Variants in HDAC9 observed in about 807,000 individuals in gnomAD.
The protein encoded by HDAC9 is MEF-2 interacting transcription repressor (MITR) protein.
A neutral mutation model predicts 139.4 loss-of-function variants in HDAC9; 41 were observed. That is an observed-to-expected ratio of 0.29 (90% CI 0.23 to 0.38). HDAC9 has a LOEUF of 0.38. HDAC9 is among the 10% of genes least tolerant of loss of function. HDAC9 has a pLI of 1.00. For missense variants in HDAC9, 1,147 were observed against 1,297.0 expected, an observed-to-expected ratio of 0.88 and a Z score of 1.78; for synonymous variants, 517 against 476.2, an observed-to-expected ratio of 1.09 and a Z score of -1.12.
intron 17 of HDAC9, among the ~76,000 whole-genome samples, chr7:18,828,512 T>C (rs1795619662): frequency 6.6e-6 from 1 of 152,224 alleles, no homozygotes; most frequent in African/African-American, 2.4e-5. Flanking sequence ...GAATTCTTTA[T>C]AAAATTCCAG....
intron 2 of HDAC9, among the ~76,000 whole-genome samples, chr7:18,499,721 A>C (rs950446200): frequency 1.3e-5 from 2 of 152,186 alleles, no homozygotes; most frequent in Non-Finnish European, 2.9e-5. Flanking sequence ...GTAATGTAAG[A>C]TATATTTACA....
At chr7:18,596,052 A>G (rs1832395788) in intron 6 of HDAC9, among the ~76,000 whole-genome samples, 1 of 152,074 alleles carries the variant, frequency 6.6e-6, no homozygotes, top group Non-Finnish European at 1.5e-5. Flanking sequence ...ATTATGTGCT[A>G]TATAATAATA....
At chr7:18,451,407 A>ATATGTGTGTGTGTGTGTGTATATATGTG (rs1435765429) in intron 1 of HDAC9, among the ~76,000 whole-genome samples, 1 of 116,468 alleles carries the variant, frequency 8.6e-6, no homozygotes, top group African/African-American at 3.0e-5. Flanking sequence ...GTGTGTATAT[A>ATATGTGTGTGTGTGTGTGTATATATGTG]TGTGTGTGTG....
chr7:18,620,981 C>T (rs748179567), intron 6 of HDAC9, among the ~76,000 whole-genome samples: 5 of 152,032 alleles, frequency 3.3e-5, no homozygotes, highest in South Asian at 2.1e-4. Context: ...TGCTGTCTTT[C>T]GAAGCAAAAC....
intron 2 of HDAC9, among the ~76,000 whole-genome samples, chr7:18,522,594 T>A (rs866788222): frequency 8.2e-5 from 12 of 146,408 alleles, no homozygotes; most frequent in South Asian, 2.2e-4. Flanking sequence ...GTGGTTTTTT[T>A]AAAAAAAACA....
At chr7:18,332,773 T>G (rs1801025475) in intron 1 of HDAC9, among the ~76,000 whole-genome samples, 1 of 151,630 alleles carries the variant, frequency 6.6e-6, no homozygotes, top group Non-Finnish European at 1.5e-5. Context: ...GATGTAATCT[T>G]TTTTCATGTT....
chr7:18,699,156 T>C (rs561264527), intron 12 of HDAC9, among the ~76,000 whole-genome samples: 2 of 152,286 alleles, frequency 1.3e-5, no homozygotes, highest in African/African-American at 4.8e-5. Context: ...AACCAAGACT[T>C]CTGACTCACA....
chr7:18,812,820 A>T (rs1396257981), intron 17 of HDAC9, among the ~76,000 whole-genome samples: 3 of 152,000 alleles, frequency 2.0e-5, no homozygotes, highest in Admixed American at 2.0e-4. Flanking sequence ...CTGGACATTG[A>T]GGACTCTGTT....
At chr7:18,830,469 C>G (rs1795780597) in intron 19 of HDAC9, among the ~76,000 whole-genome samples, 1 of 152,062 alleles carries the variant, frequency 6.6e-6, no homozygotes, top group African/African-American at 2.4e-5. Flanking sequence ...GAAGTGCAAG[C>G]CTTAATAGTC....
chr7:18,545,571 C>T (rs1480123251), intron 2 of HDAC9, among the ~76,000 whole-genome samples: 9 of 152,134 alleles, frequency 5.9e-5, no homozygotes. Context: ...AAGCAGAAGG[C>T]TTGAAACTGC....
intron 12 of HDAC9, among the ~76,000 whole-genome samples, chr7:18,703,883 C>T (rs1036844924): frequency 3.3e-5 from 5 of 152,118 alleles, no homozygotes; most frequent in African/African-American, 1.2e-4. Flanking sequence ...ACAACACAGG[C>T]ACACATTCAG....
intron 2 of HDAC9, among the ~76,000 whole-genome samples, chr7:18,235,992 A>G (rs1793788618): frequency 6.6e-6 from 1 of 152,216 alleles, no homozygotes; most frequent in South Asian, 2.1e-4. Context: ...TCTTTGCATT[A>G]TACTGTATGA....
intron 1 of HDAC9, among the ~76,000 whole-genome samples, chr7:18,314,545 G>A (rs1187563347): frequency 6.6e-6 from 1 of 152,138 alleles, no homozygotes; most frequent in Non-Finnish European, 1.5e-5. Flanking sequence ...TGGTGCATTG[G>A]CAAGAAAATC....
chr7:18,163,900 C>T (rs1053323468), intron 2 of HDAC9, among the ~76,000 whole-genome samples: 1 of 152,062 alleles, frequency 6.6e-6, no homozygotes, highest in Non-Finnish European at 1.5e-5. Flanking sequence ...CTACCCTGCT[C>T]CCCAAGAATG....
intron 2 of HDAC9, among the ~76,000 whole-genome samples, chr7:18,194,353 C>A (rs1584565974): frequency 6.6e-6 from 1 of 152,088 alleles, no homozygotes; most frequent in East Asian, 1.9e-4. Flanking sequence ...ATTTATAAGA[C>A]CTTTTTTCTA....
chr7:18,490,969 A>T (rs989839218), upstream of HDAC9, among the ~76,000 whole-genome samples: 1 of 151,990 alleles, frequency 6.6e-6, no homozygotes, highest in African/African-American at 2.4e-5. Flanking sequence ...CTTCATTTAC[A>T]TTCCAGAATC....
intron 22 of HDAC9, among the ~76,000 whole-genome samples, chr7:18,894,246 G>A (rs145409390): frequency 2.6e-5 from 4 of 152,230 alleles, no homozygotes; most frequent in South Asian, 2.1e-4. Context: ...ATTTAAAGCC[G>A]TAAGCCCAGA....
intron 23 of HDAC9, among the ~76,000 whole-genome samples, chr7:18,950,716 G>A (rs1447925449): frequency 6.6e-6 from 1 of 151,938 alleles, no homozygotes; most frequent in African/African-American, 2.4e-5. Flanking sequence ...TGCTCTAGTG[G>A]AGAATTTGAG....
intron 1 of HDAC9, among the ~76,000 whole-genome samples, chr7:18,411,013 C>T (rs1788497368): frequency 6.6e-6 from 1 of 152,130 alleles, no homozygotes. Flanking sequence ...TCATTTCTTG[C>T]CAAGTGAAAA....
Sources: allele counts gnomAD v4.1 joint callset (sites outside exome capture counted in the v4.1 genomes callset), GRCh38; gene constraint gnomAD v4.1.1; transcripts MANE v1.5; gene names NCBI Gene and HGNC (gene_info 2026-07-23, HGNC 2026-07-21).